Variants in IGSF1 observed in about 807,000 individuals in gnomAD.
The protein encoded by IGSF1 is immunoglobulin superfamily member 1, also known as immunoglobulin-like domain-containing protein 1.
A neutral mutation model predicts 95.3 loss-of-function variants in IGSF1; 40 were observed. The ratio of observed to expected loss-of-function variants is 0.42; its 90% CI spans 0.33 to 0.55. The LOEUF (loss-of-function observed/expected upper bound fraction) is 0.55, where lower values mean the gene tolerates loss of function less well. Among genes scored for constraint, IGSF1 ranks in the 20% least tolerant of loss-of-function variants. IGSF1 has a pLI of 0.10. For missense variants in IGSF1, 906 were observed against 1,025.4 expected, an observed-to-expected ratio of 0.88 and a Z score of 1.59; for synonymous variants, 372 against 382.9, an observed-to-expected ratio of 0.97 and a Z score of 0.33.
chrX:131,286,523 C>A, intron 2 of IGSF1, 60 bp from the exon 3 acceptor site: 1 of 1,174,620 alleles, frequency 8.5e-7, no homozygotes, highest in Non-Finnish European at 1.2e-6. Context: ...TGTGCTCAAA[C>A]CTCAATACTT....
rs776147631 is a variant in IGSF1, at chrX:131,274,824, C to T, written c.3526G>A (p.Gly1176Arg). The T allele has an allele frequency of 2.5e-6, 3 of 1,211,619 alleles. No individual in the cohort carries two copies. The highest frequency in any genetic ancestry group is 1.1e-6 in the Non-Finnish European group (1 of 895,144). ...SAWPSTMFKL[G>R]KDITLQCRGP... is the part of the protein sequence containing the mutation. ...CGGCACTGAAGGGTGATGTCCTTCC[C>T]TAACTTGAACATGGTGCTGGGCCAG... Residue 1176 changes from glycine to arginine, a missense_variant, in exon 18 of 20, where the codon GGG becomes AGG. By Grantham distance (125) the Gly-to-Arg change is moderately radical. Around this residue, in one of 5 missense-constraint regions of IGSF1, gnomAD observed 411 missense variants for 494.9 expected, o/e 0.83. Transcript: ENST00000361420.
rs1262217637 is a variant in IGSF1 at position 131,283,153 on chromosome X, A to C, written c.779T>G (p.Met260Arg). The C allele has an allele frequency of 1.7e-6, 2 of 1,210,785 alleles. No individual in the cohort carries two copies. The highest frequency in any genetic ancestry group is 3.5e-5 in the South Asian group (2 of 56,961). ...GPIYGMTFALMRVEDLEKSFY... is the reference protein window; with the variant it reads ...GPIYGMTFALRRVEDLEKSFY... The stretch of plus-strand genomic sequence containing the variant: ...GGACTTCTCCAAGTCTTCAACCCTC[A>C]TTAGAGCAAAGGTCATTCCATAGAT... Residue 260 changes from methionine to arginine, a missense_variant, in exon 6 of 20, where the codon ATG becomes AGG. Around this residue, in one of 5 missense-constraint regions of IGSF1, gnomAD observed 442 missense variants for 448.1 expected, o/e 0.99. Transcript: ENST00000361420.
intron 5 of IGSF1, among the ~76,000 whole-genome samples, chrX:131,283,855 C>A (rs912457189): frequency 8.9e-6 from 1 of 111,904 alleles, no homozygotes; most frequent in African/African-American, 3.3e-5. Context: ...CTCCTTCCTA[C>A]CCCCACCCCA....
intron 8 of IGSF1, 61 bp from the exon 9 acceptor site, chrX:131,281,399 T>C: frequency 8.5e-7 from 1 of 1,171,583 alleles, no homozygotes; most frequent in Non-Finnish European, 1.2e-6. Flanking sequence ...GTGAATACAT[T>C]CATGGGGTGA....
chrX:131,285,132 A>G (rs1209789808), intron 5 of IGSF1, 47 bp downstream of exon 5: 28 of 1,145,338 alleles, frequency 2.4e-5, no homozygotes, highest in South Asian at 2.2e-4. Context: ...CAGCCATGAT[A>G]CCTGGGACAA....
At chrX:131,278,180 G>A in intron 12 of IGSF1, 46 bp from the exon 13 acceptor site, 1 of 1,126,826 alleles carries the variant, frequency 8.9e-7, no homozygotes. Flanking sequence ...GTTTGCAGTT[G>A]CCCAGATGGG....
intron 1 of IGSF1, chrX:131,288,892 A>G (rs1171145587): frequency 3.4e-5 from 7 of 207,985 alleles, no homozygotes; most frequent in Non-Finnish European, 6.3e-5. Context: ...CGCCCCCTGC[A>G]TAGCTTTGAG....
chrX:131,283,443 CT>C (rs955888275), intron 5 of IGSF1, among the ~76,000 whole-genome samples, 179 bp from the exon 6 acceptor site: 2 of 112,139 alleles, frequency 1.8e-5, no homozygotes, highest in African/African-American at 6.5e-5. Context: ...ACTTATGCCC[CT>C]GTTCTCTCTC....
intron 16 of IGSF1, 90 bp downstream of exon 16, chrX:131,275,388 C>T (rs2080461575): frequency 2.6e-6 from 3 of 1,136,800 alleles, no homozygotes; most frequent in East Asian, 6.0e-5. Flanking sequence ...GGTTGCCTCT[C>T]CTCGAGCTCT....
Position 131,278,658 on chromosome X carries a change from G to A in IGSF1, c.1844C>T (p.Pro615Leu). 8.3e-7 allele frequency: 1 copy of A among 1,211,118 alleles called. No individual in the cohort carries two copies. The highest frequency in any genetic ancestry group is 1.8e-5 in the South Asian group (1 of 56,987). The change falls in exon 12 of 20, where the codon CCT (proline) becomes CTT (leucine). Residue 615 changes from proline (P) to leucine (L), a missense_variant. By Grantham distance (98) the Pro-to-Leu change is moderately conservative. Coordinates refer to ENST00000361420, the MANE Select transcript of IGSF1 (RefSeq NM_001555.5). ...CACAAACTCCTTAGTTGAGCCAGAA[G>A]GGCTTCTGCACCAGAGGGTTAAGTT... ...WKNLTLWCRSPSGSTKEFVLL... is the reference protein window; with the variant it reads ...WKNLTLWCRSLSGSTKEFVLL...
chrX:131,275,646 C>T lies in IGSF1; in HGVS notation c.3016G>A (p.Gly1006Arg). ...HGVGYILHKE[G>R]EATSMQLWGS... ...CAGAGCTGCATTGAAGTGGCTTCTC[C>T]TTCTTTGTGCAGAATGTATCCTACT... The change falls in exon 16 of 20, where the codon GGA becomes AGA. Residue 1006 changes from glycine (G) to arginine (R), a missense_variant. Around this residue, in one of 5 missense-constraint regions of IGSF1, gnomAD observed 411 missense variants for 494.9 expected, o/e 0.83. Coordinates refer to ENST00000361420, the MANE Select transcript of IGSF1 (RefSeq NM_001555.5). The T allele has an allele frequency of 8.3e-7, 1 of 1,211,518 alleles. No individual in the cohort carries two copies. The highest frequency in any genetic ancestry group is 1.1e-6 in the Non-Finnish European group (1 of 895,297).
At chrX:131,274,257 T>C (rs2080450292) in intron 18 of IGSF1, 51 bp from the exon 19 acceptor site, 2 of 1,197,421 alleles carry the variant, frequency 1.7e-6, no homozygotes, top group Non-Finnish European at 2.3e-6. Context: ...AGCGTGTGTA[T>C]GTTCCCCTTG....
chrX:131,273,800 A>G lies in IGSF1; in HGVS notation c.4007T>C (p.Ile1336Thr). The change falls in exon 20 of 20, where the codon ATA (isoleucine) becomes ACA (threonine). Residue 1336 changes from isoleucine (I) to threonine (T), a missense_variant. Ile to Thr is a moderately conservative substitution (Grantham distance 89). Around this residue, in one of 5 missense-constraint regions of IGSF1, gnomAD observed 411 missense variants for 494.9 expected, o/e 0.83. Coordinates refer to ENST00000361420, the MANE Select transcript of IGSF1 (RefSeq NM_001555.5). ...CTCTTGTAAAGGAGGAGATTATTAT[A>G]TTGGAACGGGCAGTTCCACAGAGAT... ...QRISVELPVPI is the reference protein window; with the variant it reads ...QRISVELPVPT 1 of 1,207,369 alleles carries G rather than the reference A, an allele frequency of 8.3e-7. No homozygotes were observed. The highest frequency in any genetic ancestry group is 1.1e-6 in the Non-Finnish European group (1 of 893,062).
chrX:131,286,772 C>T (rs1453288636), intron 1 of IGSF1, 31 bp from the exon 2 acceptor site: 3 of 695,817 alleles, frequency 4.3e-6, no homozygotes, highest in Non-Finnish European at 6.2e-6. Context: ...ACTCAGAGGA[C>T]TTGTCCTGCT....
chrX:131,285,346 C>A lies in IGSF1; in HGVS notation c.500G>T (p.Gly167Val), dbSNP rs928177508. The change falls in exon 5 of 20, where the codon GGA becomes GTA. Residue 167 changes from glycine to valine, a missense_variant. Gly to Val is a moderately radical substitution (Grantham distance 109). This residue lies in a region of IGSF1 where 442 missense variants were observed against 448.1 expected (regional missense o/e 0.99). Coordinates refer to ENST00000361420, the MANE Select transcript of IGSF1 (RefSeq NM_001555.5). ...TTGGTAATCCACAGGCTCTGCATAT[C>A]CCTCTTTAAACAGCATGAATACCAA... ...QDLVFMLFKE[G>V]YAEPVDYQVP... 8.3e-7 allele frequency: 1 copy of A among 1,210,125 alleles called. No homozygotes were observed. Among genetic ancestry groups the A allele is most frequent in the Non-Finnish European group, 1.1e-6 (1 of 895,107 alleles).
Position 131,278,479 on chromosome X carries a change from G to T in IGSF1, c.2023C>A (p.Leu675Ile). 1 of 1,202,282 alleles carries T rather than the reference G, an allele frequency of 8.3e-7. No homozygotes were observed. Among genetic ancestry groups the T allele is most frequent in the East Asian group, 3.0e-5 (1 of 33,688 alleles). ...TTCTTACCTGTCCCCACCAGCTCAA[G>T]TGCCTCACTGGGCTCCGATACAGCC... The part of the protein sequence containing the change: ...EMAVSEPSEA[L>I]ELVGTDILPK... The change falls in exon 12 of 20, where the codon CTT becomes ATT. Residue 675 changes from leucine to isoleucine, a missense_variant. Leu to Ile is a conservative substitution (Grantham distance 5). This residue lies in a region of IGSF1 where 10 missense variants were observed against 32.3 expected (regional missense o/e 0.31). Transcript: ENST00000361420.
At chrX:131,285,726 C>T (rs1424225753) in intron 4 of IGSF1, 41 bp downstream of exon 4, 2 of 1,150,582 alleles carry the variant, frequency 1.7e-6, no homozygotes, top group East Asian at 3.0e-5. Context: ...GTTTGAATCT[C>T]AGGAGCTGGA....
chrX:131,284,600 T>C (rs1188621964), intron 5 of IGSF1: 1 of 749,722 alleles, frequency 1.3e-6, no homozygotes, highest in East Asian at 1.5e-4. Context: ...ATTTTACATT[T>C]TGGGGAAATT....
chrX:131,277,269 A>C (rs1569402493), intron 13 of IGSF1, 43 bp from the exon 14 acceptor site: 3 of 1,075,352 alleles, frequency 2.8e-6, no homozygotes, highest in Non-Finnish European at 3.7e-6. Context: ...AACAAAATAC[A>C]ACACAAAACC....
Sources: allele counts gnomAD v4.1 joint callset (sites outside exome capture counted in the v4.1 genomes callset), GRCh38; gene constraint gnomAD v4.1.1; regional missense constraint gnomAD v4.1.1; transcripts MANE v1.5; gene names NCBI Gene and HGNC (gene_info 2026-07-23, HGNC 2026-07-21).